Variants in MAPK4 observed in about 807,000 individuals in gnomAD.
MAPK4 encodes the protein mitogen-activated protein kinase 4, also known as Erk3-related.
In MAPK4, 22 loss-of-function variants were observed where a neutral mutation model predicts 47.7. The observed-to-expected ratio is 0.46, with a 90% CI of 0.33 to 0.66. The LOEUF (loss-of-function observed/expected upper bound fraction) is 0.66. MAPK4 is among the 30% of genes least tolerant of loss of function. The pLI, the probability that MAPK4 is intolerant of heterozygous loss-of-function variation, is 0.02. For missense variants in MAPK4, 736 were observed against 831.7 expected (o/e 0.88, Z 1.42); for synonymous variants, 390 against 365.7 (o/e 1.07, Z -0.76).
Position 50,678,894 on chromosome 18 carries a change from T to TGGGGTATGGGAGACTTG in MAPK4, c.546+14391_546+14407dup, listed in dbSNP as rs1555654212. Among the ~76,000 whole-genome samples the TGGGGTATGGGAGACTTG allele has an allele frequency of 6.6e-6, 1 of 152,124 alleles. No homozygotes were observed. The highest frequency in any genetic ancestry group is 1.5e-5 in the Non-Finnish European group (1 of 68,020). On this transcript the variant is annotated intron_variant, in intron 2 of 5. Transcript: ENST00000400384. This position sits in a 1 kb window ranked among gnomAD's most constrained non-coding sequence, Gnocchi z 4.2. ...CAGATGACACGGCCAGCAGGTTTTC[T>TGGGGTATGGGAGACTTG]GGGGTATGGGAGACTTGAGGGTATG...
chr18:50,621,513 C>T (rs531933078), intron 1 of MAPK4, among the ~76,000 whole-genome samples: 1 of 152,236 alleles, frequency 6.6e-6, no homozygotes, highest in South Asian at 2.1e-4. Context: ...GATGAAAAGT[C>T]ACAGAGAGCC....
At chr18:50,604,442 G>C (rs1225435180) in intron 1 of MAPK4, among the ~76,000 whole-genome samples, 1 of 152,118 alleles carries the variant, frequency 6.6e-6, no homozygotes, top group East Asian at 1.9e-4. Flanking sequence ...CACTTTCCAT[G>C]GTTAGTAATT....
intron 1 of MAPK4, among the ~76,000 whole-genome samples, chr18:50,644,236 C>G (rs984850956): frequency 6.6e-6 from 1 of 151,962 alleles, no homozygotes; most frequent in African/African-American, 2.4e-5. Context: ...TTGGTAAGAG[C>G]TTCCCCCTGT....
At chr18:50,702,139 G>A (rs1909823176) in intron 2 of MAPK4, among the ~76,000 whole-genome samples, 1 of 126,724 alleles carries the variant, frequency 7.9e-6, no homozygotes, top group South Asian at 2.9e-4. Context: ...TCCAGCCTGG[G>A]TGATGGAGAG....
Position 50,640,807 on chromosome 18 carries a change from A to AACAC in MAPK4, c.-870-22269_-870-22266dup, listed in dbSNP as rs139939686. On this transcript the variant is annotated intron_variant, in intron 1 of 5. Transcript: ENST00000400384. ...ATCTTTCATCCCTTCTGTTGGCTTAAACACACACACACACACGCACACACA... is the reference window on the plus strand; with the variant it reads ...ATCTTTCATCCCTTCTGTTGGCTTAAACACACACACACACACACACGCACACACA... 2.6e-5 allele frequency among the ~76,000 whole-genome samples: 4 copies of AACAC among 151,368 alleles called. No homozygotes were observed. In the East Asian group the frequency reaches 5.8e-4, roughly 22 times the overall value.
chr18:50,640,351 G>T (rs1247706346), intron 1 of MAPK4, among the ~76,000 whole-genome samples: 4 of 146,970 alleles, frequency 2.7e-5, no homozygotes, highest in African/African-American at 1.0e-4. Flanking sequence ...ATCTTAATCG[G>T]CTCTTGTCCC....
chr18:50,694,291 C>T (rs555949556), intron 2 of MAPK4, among the ~76,000 whole-genome samples: 2 of 152,222 alleles, frequency 1.3e-5, no homozygotes, highest in South Asian at 2.1e-4. Context: ...TCCTCATGCA[C>T]GTGGGCTCCT....
intron 1 of MAPK4, among the ~76,000 whole-genome samples, chr18:50,614,620 C>A (rs1321953629): frequency 2.0e-5 from 3 of 152,158 alleles, no homozygotes; most frequent in Non-Finnish European, 4.4e-5. Context: ...AATATGTACA[C>A]CTACTACATA....
At position 50,692,521 on chromosome 18, in the gene MAPK4, C is replaced by T. The variant is rs1334305573; in HGVS notation, c.547-22558C>T. ...CAAGCTATGTATCCCTCTCTAAGCT[C>T]AGTTTTCTGACCTATAAAAAGGAAA... On this transcript the variant is annotated intron_variant, in intron 2 of 5. Coordinates refer to ENST00000400384, the MANE Select transcript of MAPK4 (RefSeq NM_002747.4). Among the ~76,000 whole-genome samples the T allele has an allele frequency of 2.6e-5, 4 of 152,154 alleles. No individual in the cohort carries two copies. The East Asian group carries it at 7.7e-4, about 29-fold the overall frequency.
intron 1 of MAPK4, among the ~76,000 whole-genome samples, chr18:50,627,599 G>A (rs1218852295): frequency 1.3e-5 from 2 of 152,198 alleles, no homozygotes; most frequent in Non-Finnish European, 2.9e-5. Flanking sequence ...CCCCTTGCCT[G>A]CATTTAGCTC....
intron 1 of MAPK4, among the ~76,000 whole-genome samples, chr18:50,640,663 A>G (rs2042932977): frequency 6.6e-6 from 1 of 152,116 alleles, no homozygotes; most frequent in Admixed American, 6.5e-5. Flanking sequence ...ATGGGGTTTC[A>G]CCATGTTGGC....
intron 1 of MAPK4, among the ~76,000 whole-genome samples, chr18:50,566,783 T>C (rs548082720): frequency 6.6e-6 from 1 of 152,276 alleles, no homozygotes; most frequent in Non-Finnish European, 1.5e-5. Flanking sequence ...AATAAAAACA[T>C]TTATTTGTCT....
At chr18:50,591,299 T>A (rs187272272) in intron 1 of MAPK4, among the ~76,000 whole-genome samples, 8 of 152,196 alleles carry the variant, frequency 5.3e-5, no homozygotes, top group Admixed American at 1.3e-4. Flanking sequence ...AGGCTTAAGA[T>A]CCACAACTAA....
chr18:50,570,526 C>G (rs2042240314), intron 1 of MAPK4, among the ~76,000 whole-genome samples: 1 of 151,782 alleles, frequency 6.6e-6, no homozygotes, highest in South Asian at 2.1e-4. Flanking sequence ...GGTAAGTTTC[C>G]TTCCATTCAA....
At chr18:50,714,858 G>A (rs1395270803) in intron 2 of MAPK4, among the ~76,000 whole-genome samples, 5 of 152,090 alleles carry the variant, frequency 3.3e-5, no homozygotes, top group South Asian at 2.1e-4. Flanking sequence ...CTCGGATCTC[G>A]TAAGATTCTC....
Position 50,663,688 on chromosome 18 carries a change from A to C in MAPK4, c.-271A>C, listed in dbSNP as rs1907409899. ...ATATGAGCCATTCTAAGCTTTAAGA[A>C]GGGTTCAGGAAACACAGGAATTAGT... On this transcript the variant is annotated 5_prime_UTR_variant, in exon 2 of 6. Transcript: ENST00000400384. 6.0e-6 allele frequency: 2 copies of C among 334,702 alleles called. No homozygotes were observed. Among genetic ancestry groups the C allele is most frequent in the African/African-American group, 4.1e-5 (2 of 48,230 alleles). 20.7% of individuals were successfully genotyped at this position (334,702 alleles called of 1,614,324 possible).
rs541530021 is a variant in MAPK4, at chr18:50,704,644, G to T, written c.547-10435G>T. Reference sequence around the variant, plus strand: ...CGTTCTCTGCAAGTCAAACTGGGGAGAGTTCCAGTCCTGTGGGGTGGGAGC... The same window carrying T: ...CGTTCTCTGCAAGTCAAACTGGGGATAGTTCCAGTCCTGTGGGGTGGGAGC... On this transcript the variant is annotated intron_variant, in intron 2 of 5. Coordinates refer to ENST00000400384, the MANE Select transcript of MAPK4 (RefSeq NM_002747.4). 3 of 398,682 alleles carry T rather than the reference G, an allele frequency of 7.5e-6. No individual in the cohort carries two copies. In the East Asian group the frequency reaches 1.1e-4, roughly 14 times the overall value. The allele number at this position is 398,682 out of a possible 1,614,324, so 24.7% of individuals were successfully genotyped here.
At chr18:50,726,400 A>G (rs1911202575) in intron 5 of MAPK4, among the ~76,000 whole-genome samples, 1 of 152,102 alleles carries the variant, frequency 6.6e-6, no homozygotes, top group Non-Finnish European at 1.5e-5. Flanking sequence ...CAACACCCCC[A>G]GCTTCCCTCA....
intron 1 of MAPK4, among the ~76,000 whole-genome samples, chr18:50,605,905 A>G (rs2042579134): frequency 6.6e-6 from 1 of 152,124 alleles, no homozygotes. Context: ...TCAGAGGGAA[A>G]GATAAGAGAT....
Sources: gnomAD v4.1 joint callset for allele counts (sites outside exome capture counted in the v4.1 genomes callset) on GRCh38, gnomAD v4.1.1 for gene constraint, Gnocchi (gnomAD v3.1) non-coding constraint, MANE v1.5 for transcripts, NCBI Gene and HGNC (gene_info 2026-07-23, HGNC 2026-07-21) for gene names.